Variants in HECW1 observed in about 807,000 individuals in gnomAD.
HECW1 encodes HECT, C2 and WW domain containing E3 ubiquitin protein ligase 1.
HECW1 carries 61 observed loss-of-function variants against 182.3 expected under a neutral mutation model. The observed-to-expected ratio is 0.33, with a 90% CI of 0.27 to 0.41. The LOEUF (loss-of-function observed/expected upper bound fraction) is 0.41. Among genes scored for constraint, HECW1 ranks in the 10% least tolerant of loss-of-function variants. HECW1 has a pLI of 1.00. For missense variants in HECW1, 1,739 were observed against 2,108.9 expected (o/e 0.82, Z 3.44); for synonymous variants, 859 against 832.6 (o/e 1.03, Z -0.55).
At chr7:43,527,671 A>G (rs1255821250) in intron 24 of HECW1, among the ~76,000 whole-genome samples, 3 of 152,208 alleles carry the variant, frequency 2.0e-5, no homozygotes, top group Non-Finnish European at 2.9e-5. Flanking sequence ...GTGGGAGCCA[A>G]TATTCAACCC....
intron 3 of HECW1, chr7:43,274,571 ATCT>A (rs755944338): frequency 3.2e-5 from 16 of 502,968 alleles, no homozygotes; most frequent in East Asian, 5.1e-5. Flanking sequence ...GAGGCCCAAC[ATCT>A]TCTTTTAGGT....
chr7:43,283,751 G>A (rs769830049), intron 3 of HECW1, among the ~76,000 whole-genome samples: 57 of 152,168 alleles, frequency 3.7e-4, no homozygotes, highest in Non-Finnish European at 7.8e-4. Context: ...CCCCAAAGTA[G>A]GACCTTGACT....
chr7:43,424,169 G>C (rs1201389158), intron 8 of HECW1, among the ~76,000 whole-genome samples: 2 of 152,138 alleles, frequency 1.3e-5, no homozygotes, highest in African/African-American at 4.8e-5. Flanking sequence ...GGCCCTCTTA[G>C]CAGGTCCCCA....
chr7:43,211,436 G>T (rs1583991172), intron 2 of HECW1, among the ~76,000 whole-genome samples: 1 of 152,220 alleles, frequency 6.6e-6, no homozygotes, highest in East Asian at 1.9e-4. Context: ...CCCTGTGGAC[G>T]CTAGGGATGC....
chr7:43,246,912 A>G (rs1799430736), intron 3 of HECW1, among the ~76,000 whole-genome samples: 1 of 152,092 alleles, frequency 6.6e-6, no homozygotes, highest in African/African-American at 2.4e-5. Context: ...TTGGGTGGGA[A>G]TGGCTAGACC....
chr7:43,264,871 T>C (rs1222488640), intron 3 of HECW1, among the ~76,000 whole-genome samples: 1 of 151,512 alleles, frequency 6.6e-6, no homozygotes, highest in East Asian at 1.9e-4. Context: ...AAATTGCTAT[T>C]GTCGAGAAAT....
At chr7:43,336,144 T>TCTCTCTCTCTCTC (rs1812211759) in intron 5 of HECW1, among the ~76,000 whole-genome samples, 2 of 51,926 alleles carry the variant, frequency 3.9e-5, no homozygotes, top group Admixed American at 3.0e-4. Flanking sequence ...CTCTCTCTCT[T>TCTCTCTCTCTCTC]TCTCTCTCTC....
intron 24 of HECW1, among the ~76,000 whole-genome samples, chr7:43,534,546 G>A (rs1429162490): frequency 6.6e-6 from 1 of 152,148 alleles, no homozygotes; most frequent in Admixed American, 6.5e-5. Context: ...TGTGCTTTCT[G>A]TCCATCTTCC....
intron 2 of HECW1, among the ~76,000 whole-genome samples, chr7:43,158,888 G>T (rs1790185810): frequency 6.6e-6 from 1 of 152,194 alleles, no homozygotes; most frequent in Non-Finnish European, 1.5e-5. Flanking sequence ...CAAGAGAGAG[G>T]TTCTCAAACT....
chr7:43,317,011 T>C (rs558574581), intron 4 of HECW1, among the ~76,000 whole-genome samples: 1 of 151,772 alleles, frequency 6.6e-6, no homozygotes, highest in South Asian at 2.1e-4. Flanking sequence ...CATTACTATG[T>C]GATCTTAGGC....
intron 2 of HECW1, among the ~76,000 whole-genome samples, chr7:43,193,367 T>C (rs1321401190): frequency 6.6e-6 from 1 of 152,074 alleles, no homozygotes; most frequent in Non-Finnish European, 1.5e-5. Context: ...TATTATATCT[T>C]CCTATCTTAC....
At chr7:43,536,573 G>A (rs1317916466) in intron 24 of HECW1, among the ~76,000 whole-genome samples, 1 of 152,220 alleles carries the variant, frequency 6.6e-6, no homozygotes, top group Non-Finnish European at 1.5e-5. Flanking sequence ...GGCACCCATC[G>A]TTGGAACTTA....
At chr7:43,160,466 A>T (rs1461824196) in intron 2 of HECW1, among the ~76,000 whole-genome samples, 2 of 152,046 alleles carry the variant, frequency 1.3e-5, no homozygotes, top group Non-Finnish European at 2.9e-5. Context: ...CAATGCTTTG[A>T]CTTTATTTTG....
intron 8 of HECW1, among the ~76,000 whole-genome samples, chr7:43,423,146 T>C (rs2076249750): frequency 6.6e-6 from 1 of 152,178 alleles, no homozygotes. Flanking sequence ...AAATCACATT[T>C]ATGGAAGAAA....
intron 2 of HECW1, among the ~76,000 whole-genome samples, chr7:43,226,955 AACG>A (rs1469092801): frequency 5.3e-5 from 8 of 152,192 alleles, no homozygotes; most frequent in African/African-American, 1.7e-4. Context: ...CGGCTGTCAC[AACG>A]TCATGAAAAC....
At chr7:43,422,979 A>G (rs1479563402) in intron 8 of HECW1, among the ~76,000 whole-genome samples, 1 of 152,204 alleles carries the variant, frequency 6.6e-6, no homozygotes, top group Non-Finnish European at 1.5e-5. Context: ...GATTACTGTC[A>G]TCAGACAGCC....
chr7:43,561,003 A>G (rs1418921482), intron 29 of HECW1, among the ~76,000 whole-genome samples: 1 of 152,234 alleles, frequency 6.6e-6, no homozygotes, highest in Non-Finnish European at 1.5e-5. Context: ...GTAAAAACAA[A>G]GAACTTCTGG....
At chr7:43,322,465 C>T (rs965765055) in intron 5 of HECW1, among the ~76,000 whole-genome samples, 2 of 152,188 alleles carry the variant, frequency 1.3e-5, no homozygotes. Flanking sequence ...TGCCCCAAAG[C>T]TCCATGGATC....
intron 3 of HECW1, chr7:43,274,586 C>T: frequency 2.1e-6 from 1 of 469,996 alleles, no homozygotes; most frequent in Non-Finnish European, 4.0e-6. Flanking sequence ...CTTTTAGGTG[C>T]AGGTTCCTCG....
Sources: gnomAD v4.1 joint callset for allele counts (sites outside exome capture counted in the v4.1 genomes callset) on GRCh38, gnomAD v4.1.1 for gene constraint, MANE v1.5 for transcripts, NCBI Gene and HGNC (gene_info 2026-07-23, HGNC 2026-07-21) for gene names.